The following MCTP1 variants were observed in gnomAD, a reference collection of about 807,000 sequenced individuals.
MCTP1 encodes the protein multiple C2 and transmembrane domain-containing protein 1.
A neutral mutation model predicts 120.6 loss-of-function variants in MCTP1; 69 were observed. That is an observed-to-expected ratio of 0.57 (90% CI 0.47 to 0.70). The LOEUF (loss-of-function observed/expected upper bound fraction) is 0.70, where lower values mean the gene tolerates loss of function less well. Among genes scored for constraint, MCTP1 ranks in the 30% least tolerant of loss-of-function variants. MCTP1 has a pLI of 0.00. For synonymous variants in MCTP1, 529 were observed against 493.1 expected (o/e 1.07, Z -0.96); for missense variants, 1,203 against 1,248.8 (o/e 0.96, Z 0.55).
At chr5:94,770,759 G>C (rs568577984) in intron 19 of MCTP1, among the ~76,000 whole-genome samples, 1 of 152,174 alleles carries the variant, frequency 6.6e-6, no homozygotes, top group African/African-American at 2.4e-5. Context: ...AGAGGCATGA[G>C]TATGTAATTA....
At chr5:94,720,281 A>G (rs1760588800) in intron 19 of MCTP1, among the ~76,000 whole-genome samples, 1 of 152,092 alleles carries the variant, frequency 6.6e-6, no homozygotes, top group South Asian at 2.1e-4. Context: ...ACAAAGGAAA[A>G]TAATTTATAG....
At chr5:95,045,343 A>C (rs1353152151) in intron 1 of MCTP1, among the ~76,000 whole-genome samples, 1 of 152,154 alleles carries the variant, frequency 6.6e-6, no homozygotes, top group Non-Finnish European at 1.5e-5. Flanking sequence ...GAAATACCAT[A>C]TTTATAAGTT....
chr5:94,940,010 C>T (rs1817182721), intron 5 of MCTP1, 74 bp downstream of exon 5: 1 of 776,134 alleles, frequency 1.3e-6, no homozygotes, highest in Admixed American at 2.4e-5. Flanking sequence ...TCTTTATTAT[C>T]ATCTCTGGGT....
intron 22 of MCTP1, 54 bp from the exon 23 acceptor site, chr5:94,707,621 G>GT (rs1754999925): frequency 1.5e-6 from 2 of 1,316,132 alleles, no homozygotes; most frequent in South Asian, 2.4e-5. Flanking sequence ...TTCTGGCAAA[G>GT]AAAGGAACAG....
chr5:94,967,392 G>T (rs1417328795), intron 2 of MCTP1, among the ~76,000 whole-genome samples: 1 of 152,202 alleles, frequency 6.6e-6, no homozygotes, highest in African/African-American at 2.4e-5. Flanking sequence ...GTTATCTTGA[G>T]TTCACAGCTG....
At chr5:94,909,603 CA>C (rs1807912592) in intron 9 of MCTP1, among the ~76,000 whole-genome samples, 2 of 152,014 alleles carry the variant, frequency 1.3e-5, no homozygotes, top group South Asian at 4.1e-4. Flanking sequence ...CTGAAAATCA[CA>C]AGACATTCTT....
At chr5:95,009,312 G>T (rs915098582) in intron 2 of MCTP1, among the ~76,000 whole-genome samples, 3 of 152,012 alleles carry the variant, frequency 2.0e-5, no homozygotes, top group African/African-American at 7.2e-5. Context: ...TACACAGATT[G>T]CTCTTAAATT....
rs111282053 is a variant in MCTP1 at position 94,801,450 on chromosome 5, A to G, written c.2437-2318T>C. On this transcript the variant is annotated intron_variant, in intron 17 of 22. Coordinates refer to ENST00000515393, the MANE Select transcript of MCTP1 (RefSeq NM_024717.7). Reference sequence around the variant, plus strand: ...ATTTCTCCCTCTGACAAAAAAGTCTACCTTAGTACTTCTTCTAGACAAGAT... The same window carrying G: ...ATTTCTCCCTCTGACAAAAAAGTCTGCCTTAGTACTTCTTCTAGACAAGAT... Among the ~76,000 whole-genome samples, 1,236 of 152,316 alleles carry G rather than the reference A, an allele frequency of 8.1e-3. 17 individuals are homozygous for G. Among genetic ancestry groups the G allele is most frequent in the African/African-American group, 0.028 (1,184 of 41,578 alleles).
At position 94,757,497 on chromosome 5, in the gene MCTP1, A is replaced by G. The variant is rs1770207178; in HGVS notation, c.2610+21613T>C. 2.0e-5 allele frequency among the ~76,000 whole-genome samples: 3 copies of G among 152,352 alleles called. No individual in the cohort carries two copies. The South Asian group carries it at 6.2e-4, about 32-fold the overall frequency. ...ATTGTGCTACTGGTAGAAATCCATT[A>G]GCCATGAAAGGAAGTTAGTTTTAGA... On this transcript the variant is annotated intron_variant, in intron 19 of 22. Coordinates refer to ENST00000515393, the MANE Select transcript of MCTP1 (RefSeq NM_024717.7).
chr5:94,919,497 T>C (rs1285190211), intron 7 of MCTP1, among the ~76,000 whole-genome samples: 1 of 152,208 alleles, frequency 6.6e-6, no homozygotes, highest in East Asian at 1.9e-4. Flanking sequence ...TTATTACCTG[T>C]GTACAACCTA....
intron 1 of MCTP1, among the ~76,000 whole-genome samples, chr5:95,126,946 T>C (rs1185928144): frequency 6.6e-6 from 1 of 152,200 alleles, no homozygotes; most frequent in African/African-American, 2.4e-5. Context: ...TAACCACATT[T>C]TATTATGTCC....
intron 12 of MCTP1, among the ~76,000 whole-genome samples, chr5:94,873,442 A>G (rs923687831): frequency 6.6e-6 from 1 of 152,056 alleles, no homozygotes; most frequent in South Asian, 2.1e-4. Context: ...TATGATTCAT[A>G]GCAATTTAGA....
chr5:94,787,760 G>A (rs1778063532), intron 18 of MCTP1, among the ~76,000 whole-genome samples: 1 of 152,124 alleles, frequency 6.6e-6, no homozygotes, highest in South Asian at 2.1e-4. Flanking sequence ...GGGACTGCAG[G>A]TGCCCGCCAT....
chr5:95,266,783 G>A (rs913104942), intron 1 of MCTP1, among the ~76,000 whole-genome samples: 7 of 152,156 alleles, frequency 4.6e-5, no homozygotes, highest in African/African-American at 7.2e-5. Flanking sequence ...AACCTCAGTC[G>A]GGCAGGGCTT....
chr5:94,708,695 A>G, intron 21 of MCTP1, 86 bp from the exon 22 acceptor site: 1 of 783,102 alleles, frequency 1.3e-6, no homozygotes, highest in Non-Finnish European at 2.2e-6. Flanking sequence ...GCCTTGACTC[A>G]ATGAACCAAT....
Position 95,285,002 on chromosome 5 carries a change from C to G in MCTP1, c.-427G>C, listed in dbSNP as rs1397442034. Among the ~76,000 whole-genome samples the G allele has an allele frequency of 6.6e-6, 1 of 152,168 alleles. No individual in the cohort carries two copies. The highest frequency in any genetic ancestry group is 2.4e-5 in the African/African-American group (1 of 41,452). On this transcript the variant is annotated 5_prime_UTR_variant, in exon 1 of 23. Transcript: ENST00000515393. ...GTGCGCGTCCAGCTGCGCCAGGGAC[C>G]GCACCCGGCGCCCTCTGGGCAGCAC...
chr5:94,983,795 G>A (rs1829964727), intron 2 of MCTP1, among the ~76,000 whole-genome samples: 1 of 152,112 alleles, frequency 6.6e-6, no homozygotes, highest in Non-Finnish European at 1.5e-5. Context: ...TTCAATTTAT[G>A]CCTTCCGACC....
chr5:94,941,593 A>G (rs1370804895), intron 4 of MCTP1, among the ~76,000 whole-genome samples: 1 of 151,986 alleles, frequency 6.6e-6, no homozygotes, highest in Non-Finnish European at 1.5e-5. Flanking sequence ...CATCCAAAAC[A>G]GCCAGGAATT....
At position 94,912,950 on chromosome 5, in the gene MCTP1, T is replaced by C. The variant is rs775398447; in HGVS notation, c.1377A>G (p.Ser459=). ...AAAGATGCGATTTTCTGTGTAGGTCTGATAGGCGTAAACTTTGGGTCTGAA... is the reference window on the plus strand; with the variant it reads ...AAAGATGCGATTTTCTGTGTAGGTCCGATAGGCGTAAACTTTGGGTCTGAA... The part of the protein sequence containing the change: ...VQFQTQSLRL[S]DLHRKSHLWR... Residue 459 remains serine (S), a synonymous_variant, in exon 9 of 23, where the codon TCA becomes TCG. Transcript: ENST00000515393. 6.3e-7 allele frequency: 1 copy of C among 1,597,778 alleles called. No individual in the cohort carries two copies. Among genetic ancestry groups the C allele is most frequent in the East Asian group, 2.3e-5 (1 of 43,042 alleles).
Sources: allele counts gnomAD v4.1 joint callset (sites outside exome capture counted in the v4.1 genomes callset), GRCh38; gene constraint gnomAD v4.1.1; transcripts MANE v1.5; gene names NCBI Gene and HGNC (gene_info 2026-07-23, HGNC 2026-07-21).